Variants in COL11A1 observed in about 807,000 individuals in gnomAD.
The protein encoded by COL11A1 is collagen type XI alpha 1 chain, also known as collagen alpha-1(XI) chain.
COL11A1 carries 74 observed loss-of-function variants against 265.2 expected under a neutral mutation model. The ratio of observed to expected loss-of-function variants is 0.28; its 90% CI spans 0.23 to 0.34. The LOEUF (loss-of-function observed/expected upper bound fraction) is 0.34, where lower values mean the gene tolerates loss of function less well. COL11A1 is among the 10% of genes least tolerant of loss of function. The pLI is 1.00. For synonymous variants in COL11A1, 816 were observed against 727.6 expected, an observed-to-expected ratio of 1.12 and a Z score of -1.96; for missense variants, 2,165 against 2,263.6, an observed-to-expected ratio of 0.96 and a Z score of 0.88.
At chr1:102,921,657 G>C in intron 47 of COL11A1, 86 bp from the exon 48 acceptor site, 1 of 1,180,796 alleles carries the variant, frequency 8.5e-7, no homozygotes, top group Middle Eastern at 2.0e-4. Context: ...AAATCTAAAA[G>C]AAGTTTAAGC....
chr1:102,939,690 A>G (rs1443173286), intron 43 of COL11A1, among the ~76,000 whole-genome samples: 2 of 113,920 alleles, frequency 1.8e-5, no homozygotes, highest in Admixed American at 2.0e-4. Context: ...GCGACAAAAA[A>G]AGACTCTCTC....
At chr1:103,036,287 T>A (rs1490239036) in intron 4 of COL11A1, among the ~76,000 whole-genome samples, 1 of 146,444 alleles carries the variant, frequency 6.8e-6, no homozygotes, top group Non-Finnish European at 1.5e-5. Context: ...ATGAATCAAG[T>A]GAATCTATTG....
intron 44 of COL11A1, among the ~76,000 whole-genome samples, chr1:102,935,325 G>A (rs1028068068): frequency 6.6e-6 from 1 of 152,120 alleles, no homozygotes; most frequent in Non-Finnish European, 1.5e-5. Context: ...ATTTTAAGTT[G>A]ACATTTGTTG....
intron 63 of COL11A1, 27 bp from the exon 64 acceptor site, chr1:102,883,338 A>T: frequency 1.4e-6 from 2 of 1,390,324 alleles, no homozygotes; most frequent in African/African-American, 1.4e-5. Context: ...AATATGTCAT[A>T]TAAAAATTCA....
intron 17 of COL11A1, 48 bp downstream of exon 17, chr1:103,006,020 G>A (rs1159418906): frequency 6.2e-7 from 1 of 1,611,448 alleles, no homozygotes; most frequent in African/African-American, 1.3e-5. Context: ...AAATTTTCCA[G>A]AGTGAACTGA....
chr1:103,006,338 A>G, intron 15 of COL11A1, 23 bp from the exon 16 acceptor site: 1 of 1,592,060 alleles, frequency 6.3e-7, no homozygotes, highest in Non-Finnish European at 8.6e-7. Flanking sequence ...ATCATAATTA[A>G]ACCATATTAT....
At chr1:102,926,117 A>C (rs903981574) in intron 46 of COL11A1, among the ~76,000 whole-genome samples, 19 of 152,130 alleles carry the variant, frequency 1.2e-4, no homozygotes, top group Non-Finnish European at 2.6e-4. Flanking sequence ...GTTTGTATTG[A>C]TTAAGACAAA....
intron 4 of COL11A1, among the ~76,000 whole-genome samples, chr1:103,061,812 G>T (rs188059560): frequency 7.2e-5 from 11 of 151,942 alleles, no homozygotes; most frequent in East Asian, 1.9e-4. Flanking sequence ...AAATAAATCT[G>T]AAATAAACAG....
At chr1:103,008,385 T>C (rs750253083) in intron 15 of COL11A1, 78 bp downstream of exon 15, 72 of 1,167,516 alleles carry the variant, frequency 6.2e-5, no homozygotes, top group Non-Finnish European at 9.1e-5. Context: ...AAAAATTAAC[T>C]ATTGATGCAT....
intron 28 of COL11A1, among the ~76,000 whole-genome samples, chr1:102,992,210 A>G (rs1025255532): frequency 9.9e-5 from 15 of 152,176 alleles, no homozygotes; most frequent in African/African-American, 2.7e-4. Context: ...ATTTCCTTAT[A>G]ACAAATGTCA....
At chr1:103,001,842 ACAGAAGG>A in intron 24 of COL11A1, 76 bp downstream of exon 24, 1 of 1,261,438 alleles carries the variant, frequency 7.9e-7, no homozygotes, top group Non-Finnish European at 1.2e-6. Context: ...CTTAACAAAA[ACAGAAGG>A]CAGACCTTAT....
At chr1:102,882,045 A>C (rs539672810) in intron 64 of COL11A1, among the ~76,000 whole-genome samples, 102 of 152,238 alleles carry the variant, frequency 6.7e-4, no homozygotes, top group African/African-American at 2.4e-3. Flanking sequence ...AGGCATACTA[A>C]GGGTTATAGG....
intron 26 of COL11A1, among the ~76,000 whole-genome samples, chr1:102,996,549 T>C (rs1664648360): frequency 6.6e-6 from 1 of 151,858 alleles, no homozygotes; most frequent in Admixed American, 6.6e-5. Context: ...AATCATAATT[T>C]ATAATTTCCT....
chr1:103,008,122 G>A (rs907220786), intron 15 of COL11A1, among the ~76,000 whole-genome samples: 1 of 152,060 alleles, frequency 6.6e-6, no homozygotes, highest in Admixed American at 6.6e-5. Context: ...TAAAAAGAAA[G>A]TGTTGAGCAA....
chr1:102,880,589 T>C (rs564009556), intron 65 of COL11A1, among the ~76,000 whole-genome samples: 262 of 152,298 alleles, frequency 1.7e-3, no homozygotes, highest in African/African-American at 5.8e-3. Context: ...ATAGTCTCAG[T>C]TGTAATTTAT....
intron 4 of COL11A1, among the ~76,000 whole-genome samples, chr1:103,071,964 C>T (rs1271926673): frequency 6.6e-6 from 1 of 150,864 alleles, no homozygotes; most frequent in Non-Finnish European, 1.5e-5. Context: ...GAGGAAGATT[C>T]TGTTATATTT....
chr1:103,105,736 A>T (rs1022097657), intron 1 of COL11A1, among the ~76,000 whole-genome samples: 7 of 152,148 alleles, frequency 4.6e-5, no homozygotes, highest in African/African-American at 1.4e-4. Context: ...TCAGAAGTGG[A>T]CACTGGGTTT....
chr1:103,013,625 TA>T (rs1666309495), intron 13 of COL11A1, among the ~76,000 whole-genome samples: 2 of 151,946 alleles, frequency 1.3e-5, no homozygotes, highest in Admixed American at 1.3e-4. Flanking sequence ...AGGAAAGACA[TA>T]AACAAATATT....
intron 41 of COL11A1, among the ~76,000 whole-genome samples, chr1:102,956,805 C>A (rs575894766): frequency 2.6e-5 from 4 of 151,400 alleles, no homozygotes; most frequent in East Asian, 3.9e-4. Flanking sequence ...ATCTTCTGTA[C>A]CGTCTCTATT....
Sources: allele counts gnomAD v4.1 joint callset (sites outside exome capture counted in the v4.1 genomes callset), GRCh38; gene constraint gnomAD v4.1.1; transcripts MANE v1.5; gene names NCBI Gene and HGNC (gene_info 2026-07-23, HGNC 2026-07-21).